PRELID2: variants seen among roughly 807,000 people sequenced by gnomAD.
The protein encoded by PRELID2 is PRELI domain-containing protein 2.
PRELID2 carries 25 observed loss-of-function variants against 28.4 expected under a neutral mutation model. The ratio of observed to expected loss-of-function variants is 0.88; its 90% CI spans 0.64 to 1.23. PRELID2 has a LOEUF of 1.23. Ranked by LOEUF, PRELID2 falls within the 50% of genes most tolerant of loss-of-function variation. PRELID2 has a pLI of 0.00. For missense variants in PRELID2, 201 were observed against 214.4 expected, an observed-to-expected ratio of 0.94 and a Z score of 0.39; for synonymous variants, 76 against 71.6, an observed-to-expected ratio of 1.06 and a Z score of -0.31.
chr5:145,796,875 G>T (rs1213565461), intron 4 of PRELID2, among the ~76,000 whole-genome samples: 2 of 152,044 alleles, frequency 1.3e-5, no homozygotes, highest in East Asian at 3.9e-4. Context: ...AAATGGGAAC[G>T]ACCATAGTAT....
chr5:145,444,448 G>A, the PRELID2 span, among the ~76,000 whole-genome samples: 1 of 151,854 alleles, frequency 6.6e-6, no homozygotes, highest in Non-Finnish European at 1.5e-5. Context: ...GTTATAAGTG[G>A]GCTCTTTTTT....
At chr5:145,618,922 G>A (rs187713318) in intron 1 of PRELID2, among the ~76,000 whole-genome samples, 1 of 152,094 alleles carries the variant, frequency 6.6e-6, no homozygotes, top group East Asian at 1.9e-4. Context: ...GGAGGATTAC[G>A]GCCACCTCTG....
chr5:145,290,602 C>T, the PRELID2 span, among the ~76,000 whole-genome samples: 10 of 60,182 alleles, frequency 1.7e-4, no homozygotes, highest in Admixed American at 9.8e-4. Context: ...GCCTGTCATG[C>T]GGTTGGGGGA....
chr5:145,801,306 C>T (rs1753124903), intron 4 of PRELID2, among the ~76,000 whole-genome samples: 1 of 152,118 alleles, frequency 6.6e-6, no homozygotes, highest in Admixed American at 6.6e-5. Context: ...GTTAAATCAC[C>T]TCTTGGCTTT....
the PRELID2 span, among the ~76,000 whole-genome samples, chr5:145,435,201 A>G: frequency 6.6e-6 from 1 of 152,194 alleles, no homozygotes; most frequent in South Asian, 2.1e-4. Context: ...CATTTTAGAG[A>G]GTGACAAATG....
At chr5:145,604,881 C>CTATATATATATATATATATATATATATA (rs1347559677) in intron 1 of PRELID2, among the ~76,000 whole-genome samples, 23 of 85,676 alleles carry the variant, frequency 2.7e-4, no homozygotes, top group African/African-American at 1.3e-3. Flanking sequence ...TGCTTGTTGG[C>CTATATATATATATATATATATATATATA]CATATATATA....
the PRELID2 span, among the ~76,000 whole-genome samples, chr5:145,410,286 G>T: frequency 7.9e-5 from 12 of 152,066 alleles, no homozygotes; most frequent in Non-Finnish European, 1.5e-4. Context: ...AAAAGCAAAT[G>T]CAACAAAAAC....
At chr5:145,232,216 A>G in the PRELID2 span, among the ~76,000 whole-genome samples, 1 of 152,192 alleles carries the variant, frequency 6.6e-6, no homozygotes, top group Non-Finnish European at 1.5e-5. Flanking sequence ...TGATGATGAT[A>G]ATAAAGTGTA....
intron 1 of PRELID2, among the ~76,000 whole-genome samples, chr5:145,490,663 A>T (rs957116717): frequency 6.6e-6 from 1 of 152,210 alleles, no homozygotes; most frequent in Non-Finnish European, 1.5e-5. Flanking sequence ...ACAATTATAA[A>T]TTTATCATAA....
At chr5:145,422,116 G>T in the PRELID2 span, among the ~76,000 whole-genome samples, 2 of 140,842 alleles carry the variant, frequency 1.4e-5, no homozygotes, top group African/African-American at 5.4e-5. Flanking sequence ...TATAATTTCT[G>T]TTCTTTTACA....
the PRELID2 span, among the ~76,000 whole-genome samples, chr5:145,301,649 A>G: frequency 6.6e-6 from 1 of 152,158 alleles, no homozygotes; most frequent in Non-Finnish European, 1.5e-5. Context: ...TCTTATGTTT[A>G]TATCTATGAC....
chr5:145,794,042 G>T (rs1027667998), intron 5 of PRELID2, among the ~76,000 whole-genome samples: 3 of 152,074 alleles, frequency 2.0e-5, no homozygotes, highest in South Asian at 2.1e-4. Flanking sequence ...CCCTCCCAAA[G>T]AATTAATAAA....
intron 1 of PRELID2, among the ~76,000 whole-genome samples, chr5:145,569,177 G>A (rs551726505): frequency 6.6e-6 from 1 of 152,286 alleles, no homozygotes; most frequent in South Asian, 2.1e-4. Context: ...ATGAAATCTT[G>A]TTAAATAAAA....
At chr5:145,349,267 T>C in the PRELID2 span, among the ~76,000 whole-genome samples, 1 of 152,198 alleles carries the variant, frequency 6.6e-6, no homozygotes, top group African/African-American at 2.4e-5. Context: ...TAAGTAAATG[T>C]CTTCTAAAGA....
At chr5:145,543,062 T>C (rs1752758218) in intron 1 of PRELID2, among the ~76,000 whole-genome samples, 1 of 152,132 alleles carries the variant, frequency 6.6e-6, no homozygotes, top group South Asian at 2.1e-4. Context: ...TTTCAGCTCA[T>C]TGTTGACCTC....
the PRELID2 span, among the ~76,000 whole-genome samples, chr5:145,332,703 G>T: frequency 2.1e-5 from 3 of 142,670 alleles, no homozygotes; most frequent in Non-Finnish European, 4.6e-5. Context: ...TCCTTGCATT[G>T]GGTTAGAACA....
the PRELID2 span, among the ~76,000 whole-genome samples, chr5:145,360,997 AC>A: frequency 6.6e-6 from 1 of 152,156 alleles, no homozygotes; most frequent in Non-Finnish European, 1.5e-5. Flanking sequence ...CCTCTCACTT[AC>A]CCACCTACAA....
At chr5:145,457,818 A>G in the PRELID2 span, among the ~76,000 whole-genome samples, 2 of 152,118 alleles carry the variant, frequency 1.3e-5, no homozygotes, top group South Asian at 2.1e-4. Flanking sequence ...TTAGCTCTCT[A>G]TTGGGGTTAC....
At chr5:145,771,068 C>A (rs1002490779) in intron 5 of PRELID2, among the ~76,000 whole-genome samples, 15 of 152,160 alleles carry the variant, frequency 9.9e-5, no homozygotes, top group African/African-American at 3.6e-4. Flanking sequence ...CCACCCAGAG[C>A]AACTTCCAGT....
Sources: allele counts gnomAD v4.1 joint callset (sites outside exome capture counted in the v4.1 genomes callset), GRCh38; gene constraint gnomAD v4.1.1; transcripts MANE v1.5; gene names NCBI Gene and HGNC (gene_info 2026-07-23, HGNC 2026-07-21).